The following AACS variants were observed in gnomAD, a reference collection of about 807,000 sequenced individuals.
AACS encodes acetoacetate-CoA ligase.
AACS carries 69 observed loss-of-function variants against 83.1 expected under a neutral mutation model. The ratio of observed to expected loss-of-function variants is 0.83; its 90% confidence interval spans 0.68 to 1.01. The LOEUF is 1.01. Ranked by LOEUF, AACS falls within the 50% of genes least tolerant of loss-of-function variation. AACS has a pLI of 0.00. For synonymous variants in AACS, 333 were observed against 343.4 expected, an observed-to-expected ratio of 0.97 and a Z score of 0.33; for missense variants, 866 against 882.2, an observed-to-expected ratio of 0.98 and a Z score of 0.23.
intron 10 of AACS, chr12:125,122,529 G>T (rs1957169321): frequency 6.6e-6 from 1 of 151,672 alleles, no homozygotes; most frequent in East Asian, 1.9e-4. Context: ...TGTAATCCCA[G>T]CTACTTGGGA....
chr12:125,141,953 G>A (rs1409453840), intron 17 of AACS, 139 bp from the exon 18 acceptor site: 1 of 1,027,086 alleles, frequency 9.7e-7, no homozygotes, highest in Non-Finnish European at 1.4e-6. Context: ...GGTGGGAAGA[G>A]GGGCATCTTA....
At chr12:125,118,568 A>G in intron 9 of AACS, 73 bp from the exon 10 acceptor site, 2 of 1,579,360 alleles carry the variant, frequency 1.3e-6, no homozygotes, top group East Asian at 4.5e-5. Flanking sequence ...CCAGGGACAC[A>G]GGAAGCTGAG....
chr12:125,137,593 T>A (rs1437824988), intron 17 of AACS, among the ~76,000 whole-genome samples: 3 of 152,216 alleles, frequency 2.0e-5, no homozygotes. Context: ...TTCCTAAGGC[T>A]GTGTCGTCAT....
At chr12:125,098,827 C>T (rs1956665527) in intron 5 of AACS, among the ~76,000 whole-genome samples, 1 of 152,212 alleles carries the variant, frequency 6.6e-6, no homozygotes, top group East Asian at 1.9e-4. Flanking sequence ...TATGTGGCCA[C>T]CTTGCCTAAC....
At chr12:125,074,903 A>G (rs2136039220) in intron 2 of AACS, among the ~76,000 whole-genome samples, 1 of 150,212 alleles carries the variant, frequency 6.7e-6, no homozygotes, top group African/African-American at 2.5e-5. Context: ...ACCTTGGGTG[A>G]TCCACCCGCC....
At chr12:125,078,770 G>A (rs535460316) in intron 3 of AACS, among the ~76,000 whole-genome samples, 2 of 135,118 alleles carry the variant, frequency 1.5e-5, no homozygotes, top group East Asian at 2.4e-4. Context: ...GCAGTGAGCC[G>A]AGATTATGCC....
At chr12:125,086,214 C>T (rs1956335804) in intron 3 of AACS, 116 bp from the exon 4 acceptor site, 1 of 828,178 alleles carries the variant, frequency 1.2e-6, no homozygotes, top group Non-Finnish European at 1.9e-6. Flanking sequence ...TCTGTTTTCC[C>T]TGGGTGTAGA....
chr12:125,092,271 C>T (rs1345973836), intron 5 of AACS, among the ~76,000 whole-genome samples: 3 of 152,256 alleles, frequency 2.0e-5, no homozygotes, highest in African/African-American at 7.2e-5. Context: ...ACCGCTCCTC[C>T]TGGTGCCAGC....
chr12:125,138,084 G>A (rs1957425126), intron 17 of AACS, among the ~76,000 whole-genome samples: 1 of 152,186 alleles, frequency 6.6e-6, no homozygotes, highest in African/African-American at 2.4e-5. Context: ...CTTGCAGCAC[G>A]ACAACGGTGT....
intron 8 of AACS, among the ~76,000 whole-genome samples, chr12:125,108,813 G>T (rs113297926): frequency 1.3e-5 from 2 of 149,578 alleles, no homozygotes; most frequent in Non-Finnish European, 3.0e-5. Context: ...GATTATAGGC[G>T]TGTGCCGCTA....
rs1956734863 is a variant in AACS at position 125,102,518 on chromosome 12, G to A, written c.571-161G>A. The stretch of plus-strand genomic sequence containing the variant: ...GTCTCACTCGTGCCCAGGCTGGAAT[G>A]CAGTGGTGCAAGCATAGCTCACTCC... On this transcript the variant is annotated intron_variant, in intron 5 of 17. Coordinates refer to ENST00000316519, the MANE Select transcript of AACS (RefSeq NM_023928.5). 4 of 654,740 alleles carry A rather than the reference G, an allele frequency of 6.1e-6. No homozygotes were observed. The East Asian group carries it at 8.1e-5, about 13-fold the overall frequency. 40.6% of individuals were successfully genotyped at this position (654,740 alleles called of 1,614,324 possible).
Position 125,065,602 on chromosome 12 carries a change from C to A in AACS, c.18C>A (p.Arg6=), listed in dbSNP as rs1321121258. Residue 6 remains arginine, a synonymous_variant, in exon 1 of 18, where the codon CGC becomes CGA. Coordinates refer to ENST00000316519, the MANE Select transcript of AACS (RefSeq NM_023928.5). ...CCGCCGCCATGTCCAAGGAGGAGCG[C>A]CCCGGTCGGGAGGAGATCCTGGAGT... is the stretch of plus-strand genomic sequence containing the variant. The part of the protein sequence containing the change: MSKEE[R]PGREEILECQ... 2 of 1,530,006 alleles carry A rather than the reference C, an allele frequency of 1.3e-6. No individual in the cohort carries two copies. The highest frequency in any genetic ancestry group is 5.3e-5 in the East Asian group (2 of 37,876). 94.8% of individuals were successfully genotyped at this position (1,530,006 alleles called of 1,614,324 possible). A position where few individuals can be genotyped will look rare whatever the true frequency, so the allele number is the denominator to read the frequency against.
At chr12:125,121,303 G>A (rs996833592) in intron 10 of AACS, 3 of 152,482 alleles carry the variant, frequency 2.0e-5, no homozygotes, top group Non-Finnish European at 4.4e-5. Context: ...GGCGGGGCAG[G>A]ACACTTCAGC....
chr12:125,115,361 A>G (rs998405562), intron 9 of AACS, among the ~76,000 whole-genome samples: 1 of 151,876 alleles, frequency 6.6e-6, no homozygotes, highest in African/African-American at 2.4e-5. Flanking sequence ...CTTGGGTTCA[A>G]GCGATTCTTC....
At position 125,142,418 on chromosome 12, in the gene AACS, G is replaced by A; in HGVS notation, c.*189G>A. On this transcript the variant is annotated 3_prime_UTR_variant, in exon 18 of 18. Coordinates refer to ENST00000316519, the MANE Select transcript of AACS (RefSeq NM_023928.5). Reference sequence around the variant, plus strand: ...GTACCTGGATCTTCCACACGAGTGGGATTCTGGCCTTCAGAGACCAGGAGG... The same window carrying A: ...GTACCTGGATCTTCCACACGAGTGGAATTCTGGCCTTCAGAGACCAGGAGG... 1.3e-6 allele frequency: 1 copy of A among 781,214 alleles called. No individual in the cohort carries two copies. The allele number at this position is 781,214 out of a possible 1,614,324, so 48.4% of individuals were successfully genotyped here.
chr12:125,109,802 AGCCC>A (rs1452077792), intron 8 of AACS, among the ~76,000 whole-genome samples: 6 of 152,030 alleles, frequency 3.9e-5, no homozygotes, highest in African/African-American at 1.5e-4. Flanking sequence ...ATTTTCAAAG[AGCCC>A]AGGCTCCTGG....
Position 125,107,157 on chromosome 12 carries a change from T to C in AACS, c.804T>C (p.Ser268=). ...ATGACTTTCTTGCCACCGGCACCAG[T>C]GAGCAGGCCCCGCAGCTGGAGTTCG... The part of the protein sequence containing the change: ...FLDDFLATGT[S]EQAPQLEFEQ... Residue 268 remains serine (S), a synonymous_variant, in exon 8 of 18, where the codon AGT becomes AGC. Coordinates refer to ENST00000316519, the MANE Select transcript of AACS (RefSeq NM_023928.5). The C allele has an allele frequency of 6.2e-7, 1 of 1,614,168 alleles. No homozygotes were observed. The highest frequency in any genetic ancestry group is 8.5e-7 in the Non-Finnish European group (1 of 1,180,030).
At chr12:125,137,957 G>T (rs1487080825) in intron 17 of AACS, among the ~76,000 whole-genome samples, 1 of 152,240 alleles carries the variant, frequency 6.6e-6, no homozygotes. Flanking sequence ...GCTTCCTGGA[G>T]AATGTTGAAA....
intron 3 of AACS, among the ~76,000 whole-genome samples, chr12:125,081,327 T>G (rs763323143): frequency 5.3e-5 from 8 of 152,244 alleles, no homozygotes; most frequent in Non-Finnish European, 1.0e-4. Context: ...TATCCCTTCC[T>G]TATAATTGCA....
Sources: allele counts gnomAD v4.1 joint callset (sites outside exome capture counted in the v4.1 genomes callset), GRCh38; gene constraint gnomAD v4.1.1; transcripts MANE v1.5; gene names NCBI Gene and HGNC (gene_info 2026-07-23, HGNC 2026-07-21).